Variants in MYH14 observed in about 807,000 individuals in gnomAD.
The protein encoded by MYH14 is myosin-14.
Under a neutral mutation model 255.5 loss-of-function variants are expected in MYH14, and 123 were observed. That is an observed-to-expected ratio of 0.48 (90% CI 0.42 to 0.56). The LOEUF (loss-of-function observed/expected upper bound fraction) is 0.56, where lower values mean the gene tolerates loss of function less well. Among genes scored for constraint, MYH14 ranks in the 20% least tolerant of loss-of-function variants. The pLI is 0.00. For missense variants in MYH14, 2,423 were observed against 2,802.3 expected (o/e 0.86, Z 3.06); for synonymous variants, 1,095 against 1,161.2 (o/e 0.94, Z 1.16).
chr19:50,255,318 G>T lies in MYH14; in HGVS notation c.2044G>T (p.Val682Leu). The change falls in exon 17 of 43, where the codon GTG (valine) becomes TTG (leucine). Residue 682 changes from valine to leucine, a missense_variant and splice_region_variant. Around this residue, in one of 3 missense-constraint regions of MYH14, gnomAD observed 672 missense variants for 881.8 expected, o/e 0.76. Transcript: ENST00000642316. Reference sequence around the variant, plus strand: ...CAGCTCTGCTATTTCTCCGCCAGGGGGTGGGTGTCTCTGTGCATCGATGGG... The same window carrying T: ...CAGCTCTGCTATTTCTCCGCCAGGGTGTGGGTGTCTCTGTGCATCGATGGG... ...RCSSAISPPG[V>L]EGIVGLEQVS... 4 of 1,550,332 alleles carry T rather than the reference G, an allele frequency of 2.6e-6. No homozygotes were observed. Among genetic ancestry groups the T allele is most frequent in the Non-Finnish European group, 3.5e-6 (4 of 1,146,436 alleles).
Position 50,221,540 on chromosome 19 carries a change from G to A in MYH14, c.563-1543G>A, listed in dbSNP as rs145993066. Among the ~76,000 whole-genome samples, 1,848 of 152,166 alleles carry A rather than the reference G, an allele frequency of 0.012. 22 individuals are homozygous for A. The highest frequency in any genetic ancestry group is 0.018 in the Non-Finnish European group (1,221 of 67,996). On this transcript the variant is annotated intron_variant, in intron 3 of 42. Transcript: ENST00000642316. The surrounding 1 kb of genome is among the most constrained non-coding windows in gnomAD (Gnocchi z 5.3). ...CACCCAGGCTGGAGTGCAATGGCAC[G>A]ATCTTGGCTCACTGCAACCTCCGCC... is the stretch of plus-strand genomic sequence containing the variant.
chr19:50,266,427 C>T lies in MYH14; in HGVS notation c.2695-450C>T, dbSNP rs1412126908. The stretch of plus-strand genomic sequence containing the variant: ...CACAAAAATTAGCCGGACGTGGTGG[C>T]ATACGCCTGTAATCCCAGCTACTCG... On this transcript the variant is annotated intron_variant, in intron 22 of 42. Coordinates refer to ENST00000642316, the MANE Select transcript of MYH14 (RefSeq NM_001145809.2). This position sits in a 1 kb window ranked among gnomAD's most constrained non-coding sequence, Gnocchi z 4.1. Among the ~76,000 whole-genome samples the T allele has an allele frequency of 6.6e-6, 1 of 152,160 alleles. No homozygotes were observed. The highest frequency in any genetic ancestry group is 1.9e-4 in the East Asian group (1 of 5,190).
intron 2 of MYH14, among the ~76,000 whole-genome samples, chr19:50,213,011 A>C (rs2032278612): frequency 6.6e-6 from 1 of 152,298 alleles, no homozygotes; most frequent in East Asian, 1.9e-4. Flanking sequence ...GCAGTGCAGC[A>C]GCATGATCTT....
chr19:50,276,151 C>T lies in MYH14; in HGVS notation c.3628C>T (p.Arg1210Trp). The change falls in exon 28 of 43, where the codon CGG (arginine) becomes TGG (tryptophan). Residue 1210 changes from arginine to tryptophan, a missense_variant. Arg to Trp is a moderately radical substitution (Grantham distance 101). Around this residue, in one of 3 missense-constraint regions of MYH14, gnomAD observed 1,513 missense variants for 1,674.8 expected, o/e 0.90. Transcript: ENST00000642316. This position sits in a 1 kb window ranked among gnomAD's most constrained non-coding sequence, Gnocchi z 4.3. ...RDLGEELEAL[R>W]GELEDTLDST... ...CCTGGGCGAGGAGCTGGAGGCGCTG[C>T]GGGGCGAGCTGGAGGACACGCTGGA... 1.9e-6 allele frequency: 3 copies of T among 1,572,058 alleles called. No individual in the cohort carries two copies. Among genetic ancestry groups the T allele is most frequent in the Non-Finnish European group, 2.6e-6 (3 of 1,160,414 alleles).
chr19:50,294,346 G>A (rs1483716374), intron 39 of MYH14, among the ~76,000 whole-genome samples: 6 of 151,330 alleles, frequency 4.0e-5, no homozygotes, highest in Non-Finnish European at 5.9e-5. Context: ...GATCTTAAAG[G>A]AAGTGTAAGA....
intron 12 of MYH14, 126 bp from the exon 13 acceptor site, chr19:50,248,861 T>TA: frequency 1.2e-6 from 1 of 863,530 alleles, no homozygotes; most frequent in Non-Finnish European, 1.8e-6. Flanking sequence ...TGATGGTACT[T>TA]ACACTCAAGG....
At chr19:50,299,956 A>AC (rs1429148219) in intron 39 of MYH14, among the ~76,000 whole-genome samples, 1 of 152,084 alleles carries the variant, frequency 6.6e-6, no homozygotes, top group African/African-American at 2.4e-5. Flanking sequence ...AAACAAACAA[A>AC]AACAAACAAA....
chr19:50,272,478 A>G, intron 26 of MYH14, 82 bp from the exon 27 acceptor site: 3 of 1,433,606 alleles, frequency 2.1e-6, no homozygotes, highest in Non-Finnish European at 2.9e-6. Flanking sequence ...CTTATATGTG[A>G]CTGGGGACCT....
chr19:50,269,623 A>T (rs2035221562), intron 24 of MYH14, among the ~76,000 whole-genome samples: 1 of 152,238 alleles, frequency 6.6e-6, no homozygotes, highest in African/African-American at 2.4e-5. Context: ...GGCCACATGG[A>T]TGTTGCCCTC....
chr19:50,250,652 T>G lies in MYH14; in HGVS notation c.1794T>G (p.Asp598Glu). The change falls in exon 15 of 43, where the codon GAT becomes GAG. Residue 598 changes from aspartate (D) to glutamate (E), a missense_variant. This residue lies in a region of MYH14 where 672 missense variants were observed against 881.8 expected (regional missense o/e 0.76). Transcript: ENST00000642316. This position sits in a 1 kb window ranked among gnomAD's most constrained non-coding sequence, Gnocchi z 5.4. ...TCCAGCGGCCGAGGCACCTGCGGGA[T>G]CAGGCCGACTTCAGTGTTCTCCACT... ...PKFQRPRHLR[D>E]QADFSVLHYA... 1 of 1,613,898 alleles carries G rather than the reference T, an allele frequency of 6.2e-7. No homozygotes were observed. Among genetic ancestry groups the G allele is most frequent in the Non-Finnish European group, 8.5e-7 (1 of 1,179,816 alleles).
At chr19:50,302,784 C>T (rs970191937) in intron 40 of MYH14, among the ~76,000 whole-genome samples, 5 of 151,994 alleles carry the variant, frequency 3.3e-5, no homozygotes, top group African/African-American at 1.2e-4. Flanking sequence ...TGCCTGTAAT[C>T]CCAGCTACTC....
chr19:50,303,808 A>G (rs2036570638), intron 40 of MYH14, among the ~76,000 whole-genome samples: 1 of 152,184 alleles, frequency 6.6e-6, no homozygotes, highest in Admixed American at 6.6e-5. Context: ...ATGTTCAGAG[A>G]CAGGAAGCAG....
At chr19:50,287,955 G>A (rs1401413087) in intron 34 of MYH14, among the ~76,000 whole-genome samples, 2 of 152,050 alleles carry the variant, frequency 1.3e-5, no homozygotes, top group South Asian at 2.1e-4. Context: ...ATTCCACTGA[G>A]CACACACAGA....
In MYH14 at chr19:50,281,829, G is replaced by T. The variant is rs760481743; in HGVS notation, c.4526G>T (p.Arg1509Leu). 2 of 1,611,366 alleles carry T rather than the reference G, an allele frequency of 1.2e-6. No individual in the cohort carries two copies. The highest frequency in any genetic ancestry group is 1.7e-6 in the Non-Finnish European group (2 of 1,178,764). ...QLVSTLEKKQ[R>L]KFDQLLAEEK... ...GTGAGCACCCTGGAGAAGAAGCAGCGCAAGTTTGACCAGGTGGGGCACCTC... is the reference window on the plus strand; with the variant it reads ...GTGAGCACCCTGGAGAAGAAGCAGCTCAAGTTTGACCAGGTGGGGCACCTC... The change falls in exon 33 of 43, where the codon CGC becomes CTC. Residue 1509 changes from arginine (R) to leucine (L), a missense_variant. Physicochemically the swap from Arg to Leu is moderately radical, Grantham distance 102. This residue lies in a region of MYH14 where 1,513 missense variants were observed against 1,674.8 expected (regional missense o/e 0.90). Transcript: ENST00000642316.
rs1555772397 is a variant in MYH14, at chr19:50,273,601, G to GTGTGTGTGTGTGT, written c.3467+870_3467+871insTGTGTGTGTGTGT. ...ATCTTAGAGTTGATGGAACATGGGG[G>GTGTGTGTGTGTGT]GTGTGTGTGTGTGTGTGTGTGTGTG... On this transcript the variant is annotated intron_variant, in intron 27 of 42. Transcript: ENST00000642316. 7.9e-3 allele frequency among the ~76,000 whole-genome samples: 1,091 copies of GTGTGTGTGTGTGT among 137,558 alleles called. 6 individuals carry two copies. The highest frequency in any genetic ancestry group is 9.0e-3 in the African/African-American group (335 of 37,166). The allele number at this position is 137,558 out of a possible 152,430, so 90.2% of individuals were successfully genotyped here.
chr19:50,232,161 TGTTTATTGAGCAC>T (rs1224867887), intron 10 of MYH14, 91 bp downstream of exon 10: 147 of 1,523,128 alleles, frequency 9.7e-5, no homozygotes, highest in Non-Finnish European at 1.3e-4. Flanking sequence ...TTTGAGCAAG[TGTTTATTGAGCAC>T]CTACTGGGTG....
In MYH14 at chr19:50,221,185, C is replaced by T. The variant is rs146287186; in HGVS notation, c.563-1898C>T. ...CCTGTGCCGTGCACTGTGCTGAGTG[C>T]ATTTTGAGCATTCTGAGTTCTGACT... On this transcript the variant is annotated intron_variant, in intron 3 of 42. Transcript: ENST00000642316. This position sits in a 1 kb window ranked among gnomAD's most constrained non-coding sequence, Gnocchi z 5.3. Among the ~76,000 whole-genome samples the T allele has an allele frequency of 3.3e-5, 5 of 152,224 alleles. No individual in the cohort carries two copies. In the East Asian group the frequency reaches 9.7e-4, roughly 29 times the overall value.
intron 20 of MYH14, among the ~76,000 whole-genome samples, 163 bp downstream of exon 20, chr19:50,260,878 T>G (rs2034821576): frequency 6.8e-6 from 1 of 147,424 alleles, no homozygotes; most frequent in African/African-American, 2.5e-5. Flanking sequence ...TGTGCATGCG[T>G]GTGTGTGCAT....
Position 50,233,389 on chromosome 19 carries a change from C to T in MYH14, c.1114+1319C>T, listed in dbSNP as rs532838050. On this transcript the variant is annotated intron_variant, in intron 10 of 42. Coordinates refer to ENST00000642316, the MANE Select transcript of MYH14 (RefSeq NM_001145809.2). Reference sequence around the variant, plus strand: ...TTCACCATGTTGGCCAGGCTGGTCTCGAACCCCTGACATCAGGTGATCCAC... The same window carrying T: ...TTCACCATGTTGGCCAGGCTGGTCTTGAACCCCTGACATCAGGTGATCCAC... Among the ~76,000 whole-genome samples, 11 of 152,226 alleles carry T rather than the reference C, an allele frequency of 7.2e-5. No individual in the cohort carries two copies. The East Asian group carries it at 1.2e-3, about 16-fold the overall frequency.
Sources: gnomAD v4.1 joint callset for allele counts (sites outside exome capture counted in the v4.1 genomes callset) on GRCh38, gnomAD v4.1.1 for gene constraint, gnomAD v4.1.1 regional missense constraint, Gnocchi (gnomAD v3.1) non-coding constraint, MANE v1.5 for transcripts, NCBI Gene and HGNC (gene_info 2026-07-23, HGNC 2026-07-21) for gene names.